SLC25A25: variants seen among roughly 807,000 people sequenced by gnomAD.
SLC25A25 encodes mitochondrial adenyl nucleotide antiporter SLC25A25.
A neutral mutation model predicts 57.7 loss-of-function variants in SLC25A25; 32 were observed. That is an observed-to-expected ratio of 0.55 (90% CI 0.42 to 0.74). The LOEUF (loss-of-function observed/expected upper bound fraction) is 0.74, where lower values mean the gene tolerates loss of function less well. SLC25A25 is among the 30% of genes least tolerant of loss of function. SLC25A25 has a pLI of 0.00. For synonymous variants in SLC25A25, 306 were observed against 291.2 expected, an observed-to-expected ratio of 1.05 and a Z score of -0.52; for missense variants, 556 against 701.3, an observed-to-expected ratio of 0.79 and a Z score of 2.34.
intron 1 of SLC25A25, among the ~76,000 whole-genome samples, chr9:128,078,118 C>G (rs1299289878): frequency 6.6e-6 from 1 of 151,896 alleles, no homozygotes; most frequent in Non-Finnish European, 1.5e-5. Flanking sequence ...GAACAAATGA[C>G]TCACCCTCTC....
At chr9:128,104,484 G>A (rs549065634) in intron 6 of SLC25A25, among the ~76,000 whole-genome samples, 14 of 152,286 alleles carry the variant, frequency 9.2e-5, no homozygotes, top group Non-Finnish European at 1.6e-4. Flanking sequence ...AGAATGCCTC[G>A]GGCTTGGACT....
In SLC25A25 at chr9:128,092,113, T is replaced by G. The variant is rs375602364; in HGVS notation, c.262-8983T>G. On this transcript the variant is annotated intron_variant, in intron 1 of 10. Coordinates refer to ENST00000373069, the MANE Select transcript of SLC25A25 (RefSeq NM_001330988.2). ...AGGTAATGTTGGCCTCAAGAGGACCTCCTAGTTTAGGGCCTGGTCTGGGAT... is the reference window on the plus strand; with the variant it reads ...AGGTAATGTTGGCCTCAAGAGGACCGCCTAGTTTAGGGCCTGGTCTGGGAT... 1.2e-5 allele frequency: 19 copies of G among 1,605,700 alleles called. No individual in the cohort carries two copies. The African/African-American group carries it at 2.4e-4, about 20-fold the overall frequency.
chr9:128,107,822 T>C lies in SLC25A25; in HGVS notation c.*378T>C. The C allele has an allele frequency of 2.5e-6, 1 of 405,650 alleles. No homozygotes were observed. The highest frequency in any genetic ancestry group is 4.3e-6 in the Non-Finnish European group (1 of 230,168). The allele number at this position is 405,650 out of a possible 1,614,324, so 25.1% of individuals were successfully genotyped here. A position where few individuals can be genotyped will look rare whatever the true frequency, so the allele number is the denominator to read the frequency against. On this transcript the variant is annotated 3_prime_UTR_variant, in exon 11 of 11. Coordinates refer to ENST00000373069, the MANE Select transcript of SLC25A25 (RefSeq NM_001330988.2). ...GCTGTTGGCCACGGCCCCTGCCCTC[T>C]GGTCTGCCGTGCATCTCCCTGTGCC...
intron 1 of SLC25A25, among the ~76,000 whole-genome samples, chr9:128,083,404 A>G (rs1280556250): frequency 1.3e-5 from 2 of 151,878 alleles, no homozygotes; most frequent in African/African-American, 4.8e-5. Context: ...AATCATTCTG[A>G]CTTTCTGTCA....
chr9:128,070,380 G>A, intron 1 of SLC25A25, among the ~76,000 whole-genome samples: 1 of 151,710 alleles, frequency 6.6e-6, no homozygotes, highest in East Asian at 2.0e-4. Flanking sequence ...TTACAGGCAT[G>A]AGCCACCGCG....
chr9:128,068,439 C>G lies in SLC25A25; in HGVS notation c.120C>G (p.Ile40Met). ...TGGGGGACCCCTGCGGCGGCGCTAT[C>G]TGCGGGGGCCCGGACCACCGGCTGC... is the stretch of plus-strand genomic sequence containing the variant. ...ASVGDPCGGA[I>M]CGGPDHRLRL... Residue 40 changes from isoleucine (I) to methionine (M), a missense_variant, in exon 1 of 11, where the codon ATC (isoleucine) becomes ATG (methionine). By Grantham distance (10) the Ile-to-Met change is conservative. Around this residue, in one of 3 missense-constraint regions of SLC25A25, gnomAD observed 248 missense variants for 273.5 expected, o/e 0.91. Coordinates refer to ENST00000373069, the MANE Select transcript of SLC25A25 (RefSeq NM_001330988.2). The G allele has an allele frequency of 3.9e-6, 6 of 1,557,810 alleles. No individual in the cohort carries two copies. Among genetic ancestry groups the G allele is most frequent in the Non-Finnish European group, 5.2e-6 (6 of 1,162,676 alleles).
chr9:128,091,834 G>A (rs764847501), intron 1 of SLC25A25: 5 of 1,574,334 alleles, frequency 3.2e-6, no homozygotes, highest in Admixed American at 3.5e-5. Flanking sequence ...CCTCAAAAGT[G>A]AACAGTCGCC....
At chr9:128,090,045 T>C (rs1833363829) in intron 1 of SLC25A25, among the ~76,000 whole-genome samples, 1 of 152,128 alleles carries the variant, frequency 6.6e-6, no homozygotes, top group Admixed American at 6.6e-5. Flanking sequence ...AAAACACGTC[T>C]CTCATCTGCC....
At chr9:128,069,437 C>A (rs1485326903) in intron 1 of SLC25A25, among the ~76,000 whole-genome samples, 1 of 152,086 alleles carries the variant, frequency 6.6e-6, no homozygotes, top group Non-Finnish European at 1.5e-5. Context: ...TGTAGCTTAG[C>A]CTGATTTACA....
chr9:128,076,326 T>A (rs1833010250), intron 1 of SLC25A25, among the ~76,000 whole-genome samples: 1 of 151,708 alleles, frequency 6.6e-6, no homozygotes, highest in Admixed American at 6.6e-5. Flanking sequence ...AGACGGGGTT[T>A]TCCTATGTTG....
rs1219640458 is a variant in SLC25A25, at chr9:128,105,756, G to A, written c.811G>A (p.Gly271Ser). The A allele has an allele frequency of 1.2e-6, 2 of 1,613,730 alleles. No individual in the cohort carries two copies. The highest frequency in any genetic ancestry group is 2.2e-5 in the South Asian group (2 of 91,064). The change falls in exon 7 of 11, where the codon GGC (glycine) becomes AGC (serine). Residue 271 changes from glycine to serine, a missense_variant. Coordinates refer to ENST00000373069, the MANE Select transcript of SLC25A25 (RefSeq NM_001330988.2). ...CCATGCCTCCCGCAGCAACAACATGGGCATCGTTGGTGGCTTCACTCAGAT... is the reference window on the plus strand; with the variant it reads ...CCATGCCTCCCGCAGCAACAACATGAGCATCGTTGGTGGCTTCACTCAGAT... ...QVHASRSNNM[G>S]IVGGFTQMIR...
chr9:128,091,336 C>A, intron 1 of SLC25A25: 1 of 696,830 alleles, frequency 1.4e-6, no homozygotes, highest in Non-Finnish European at 1.8e-6. Context: ...AGGCAATCAG[C>A]TGCCTGTGAT....
At chr9:128,106,100 G>A (rs1468041299) in intron 7 of SLC25A25, 50 bp from the exon 8 acceptor site, 4 of 1,600,564 alleles carry the variant, frequency 2.5e-6, no homozygotes, top group African/African-American at 1.3e-5. Flanking sequence ...GCAGCAGCAG[G>A]TGCCCCAACC....
At position 128,102,665 on chromosome 9, in the gene SLC25A25, G is replaced by A. The variant is rs1045530116; in HGVS notation, c.624+184G>A. 1.3e-5 allele frequency among the ~76,000 whole-genome samples: 2 copies of A among 152,160 alleles called. No individual in the cohort carries two copies. Among genetic ancestry groups the A allele is most frequent in the Non-Finnish European group, 2.9e-5 (2 of 68,026 alleles). On this transcript the variant is annotated intron_variant, in intron 5 of 10. Transcript: ENST00000373069. This position sits in a 1 kb window ranked among gnomAD's most constrained non-coding sequence, Gnocchi z 4.1. ...ATGTTCCCCATGTTCTGGCACTCCA[G>A]CCAACCTGAACAGCCCCATCGTTCA...
At chr9:128,069,850 C>T (rs935681949) in intron 1 of SLC25A25, among the ~76,000 whole-genome samples, 2 of 149,650 alleles carry the variant, frequency 1.3e-5, no homozygotes, top group African/African-American at 5.1e-5. Flanking sequence ...CTCCTGGGTT[C>T]AAGAGATTCT....
At chr9:128,107,200 T>TC (rs1341992088) in intron 10 of SLC25A25, 21 bp downstream of exon 10, 2 of 1,613,322 alleles carry the variant, frequency 1.2e-6, no homozygotes, top group African/African-American at 2.7e-5. Context: ...CCCTGGACAG[T>TC]CCCCTGGGAG....
chr9:128,080,573 C>G (rs1417866163), intron 1 of SLC25A25, among the ~76,000 whole-genome samples: 3 of 151,354 alleles, frequency 2.0e-5, no homozygotes, highest in Non-Finnish European at 4.4e-5. Context: ...GCATGCGCCA[C>G]CGTGCCCGGC....
intron 1 of SLC25A25, among the ~76,000 whole-genome samples, chr9:128,085,151 G>C (rs916151752): frequency 4.0e-5 from 6 of 151,862 alleles, no homozygotes; most frequent in Admixed American, 6.6e-5. Flanking sequence ...CCAACATGGT[G>C]AAACCCCCGT....
intron 1 of SLC25A25, among the ~76,000 whole-genome samples, chr9:128,094,058 G>T (rs1833490528): frequency 6.6e-6 from 1 of 152,212 alleles, no homozygotes; most frequent in Admixed American, 6.5e-5. Flanking sequence ...TGAGACAGGA[G>T]AATCGCTTGA....
Sources: gnomAD v4.1 joint callset for allele counts (sites outside exome capture counted in the v4.1 genomes callset) on GRCh38, gnomAD v4.1.1 for gene constraint, gnomAD v4.1.1 regional missense constraint, Gnocchi (gnomAD v3.1) non-coding constraint, MANE v1.5 for transcripts, NCBI Gene and HGNC (gene_info 2026-07-23, HGNC 2026-07-21) for gene names.